Variants in IGFL2 observed in about 807,000 individuals in gnomAD.
The protein encoded by IGFL2 is insulin growth factor-like family member 2.
In IGFL2, 7 loss-of-function variants were observed where a neutral mutation model predicts 13.9. The ratio of observed to expected loss-of-function variants is 0.51; its 90% CI spans 0.29 to 0.95. The LOEUF is 0.95. Ranked by LOEUF, IGFL2 falls within the 40% of genes least tolerant of loss-of-function variation. The pLI, the probability that IGFL2 is intolerant of heterozygous loss-of-function variation, is 0.08. For missense variants in IGFL2, 138 were observed against 147.8 expected, an observed-to-expected ratio of 0.93 and a Z score of 0.34; for synonymous variants, 55 against 55.8, an observed-to-expected ratio of 0.99 and a Z score of 0.07.
At chr19:46,099,432 T>A in the IGFL2 span, among the ~76,000 whole-genome samples, 94,856 of 151,674 alleles carry the variant, frequency 0.63, 30,094 homozygotes, top group Non-Finnish European at 0.67. Context: ...ACTTGGTTCC[T>A]TTCTCCCCAT....
chr19:46,110,197 T>C, the IGFL2 span, among the ~76,000 whole-genome samples: 1 of 152,226 alleles, frequency 6.6e-6, no homozygotes, highest in African/African-American at 2.4e-5. Context: ...AAACTGCCTT[T>C]GTTCTGCTTC....
chr19:46,080,925 T>C, the IGFL2 span, among the ~76,000 whole-genome samples: 16 of 152,362 alleles, frequency 1.1e-4, no homozygotes, highest in Admixed American at 9.8e-4. Flanking sequence ...AGGTGGACAC[T>C]GTAGCGCAGG....
At chr19:46,214,532 C>G in the IGFL2 span, 361 of 152,308 alleles carry the variant, frequency 2.4e-3, 1 homozygote, top group African/African-American at 8.5e-3. Flanking sequence ...AAGTCACCGG[C>G]CACCTCCCAG....
chr19:46,110,802 T>C, the IGFL2 span, among the ~76,000 whole-genome samples: 1 of 152,224 alleles, frequency 6.6e-6, no homozygotes, highest in Non-Finnish European at 1.5e-5. Context: ...TTTTCCAAGA[T>C]GATACGATAC....
chr19:46,151,058 C>G (rs780591077), intron 1 of IGFL2, among the ~76,000 whole-genome samples: 18 of 152,190 alleles, frequency 1.2e-4, no homozygotes, highest in Non-Finnish European at 2.1e-4. Flanking sequence ...ATATCATTTG[C>G]TTATCTCCCT....
the IGFL2 span, chr19:46,189,137 G>A: frequency 6.2e-6 from 1 of 160,264 alleles, no homozygotes; most frequent in Admixed American, 6.5e-5. Flanking sequence ...CAAGACAAGG[G>A]GGCAGGGTGA....
intron 1 of IGFL2, among the ~76,000 whole-genome samples, chr19:46,154,867 T>G (rs1568428635): frequency 6.6e-6 from 1 of 152,202 alleles, no homozygotes; most frequent in Non-Finnish European, 1.5e-5. Flanking sequence ...TCCACACTCT[T>G]TTCAAGAAAA....
chr19:46,115,441 C>T, the IGFL2 span, among the ~76,000 whole-genome samples: 46 of 152,244 alleles, frequency 3.0e-4, 1 homozygote, highest in South Asian at 8.5e-3. Context: ...TGAAATGCAG[C>T]GAATCACTGG....
At chr19:46,084,139 A>G in the IGFL2 span, among the ~76,000 whole-genome samples, 1 of 152,202 alleles carries the variant, frequency 6.6e-6, no homozygotes, top group Non-Finnish European at 1.5e-5. Context: ...GTATTATACC[A>G]TTGAGTTAGA....
the IGFL2 span, among the ~76,000 whole-genome samples, chr19:46,094,675 C>G: frequency 1.9e-4 from 29 of 152,142 alleles, no homozygotes; most frequent in African/African-American, 6.3e-4. Context: ...CTGATGCTTT[C>G]CCCTCCCCTG....
upstream of IGFL2, among the ~76,000 whole-genome samples, chr19:46,139,410 GA>G (rs1380708767): frequency 4.6e-5 from 7 of 151,204 alleles, no homozygotes; most frequent in Admixed American, 6.6e-5. Context: ...ATTTAAGAAA[GA>G]ACCTCTATGC....
chr19:46,150,624 C>T (rs1973428910), intron 1 of IGFL2, among the ~76,000 whole-genome samples: 1 of 152,146 alleles, frequency 6.6e-6, no homozygotes, highest in Non-Finnish European at 1.5e-5. Context: ...CTTTTTGTCA[C>T]TAGAACATTT....
At chr19:46,163,180 C>T (rs967771819), downstream of IGFL2, among the ~76,000 whole-genome samples, 88 of 152,318 alleles carry the variant, frequency 5.8e-4, no homozygotes, top group African/African-American at 2.1e-3. Flanking sequence ...TGTGTTTTCT[C>T]ACAATGCTCT....
intron 1 of IGFL2, among the ~76,000 whole-genome samples, chr19:46,157,968 T>A (rs1006002665): frequency 3.3e-5 from 5 of 152,080 alleles, no homozygotes; most frequent in African/African-American, 1.2e-4. Context: ...ATAGAAAAAA[T>A]CAATCGTGTT....
chr19:46,118,869 G>T, the IGFL2 span, among the ~76,000 whole-genome samples: 1 of 152,170 alleles, frequency 6.6e-6, no homozygotes, highest in African/African-American at 2.4e-5. Context: ...CCAAGGTGCA[G>T]TTTCCATAGT....
At chr19:46,160,313 A>G in intron 1 of IGFL2, 102 bp from the exon 2 acceptor site, 1 of 971,666 alleles carries the variant, frequency 1.0e-6, no homozygotes, top group Non-Finnish European at 1.6e-6. Context: ...CTTTAGAGCT[A>G]ATCTGGAACT....
chr19:46,126,329 C>T, the IGFL2 span, among the ~76,000 whole-genome samples: 4 of 152,302 alleles, frequency 2.6e-5, no homozygotes, highest in East Asian at 7.7e-4. Context: ...TCAGTTCTAC[C>T]AACAGCATTG....
chr19:46,181,410 CA>C, the IGFL2 span: 1 of 152,182 alleles, frequency 6.6e-6, no homozygotes, highest in Non-Finnish European at 1.5e-5. Flanking sequence ...AATGACCTGC[CA>C]TCACTTAACT....
At chr19:46,116,774 C>G in the IGFL2 span, among the ~76,000 whole-genome samples, 1 of 152,114 alleles carries the variant, frequency 6.6e-6, no homozygotes, top group Admixed American at 6.5e-5. Context: ...GAAAGTCATA[C>G]CAACCTACAG....
Sources: allele counts gnomAD v4.1 joint callset (sites outside exome capture counted in the v4.1 genomes callset), GRCh38; gene constraint gnomAD v4.1.1; transcripts MANE v1.5; gene names NCBI Gene and HGNC (gene_info 2026-07-23, HGNC 2026-07-21).